The following FRMPD4 variants were observed in gnomAD, a reference collection of about 807,000 sequenced individuals.
FRMPD4 encodes the protein FERM and PDZ domain containing 4, also known as FERM and PDZ domain-containing protein 4.
In FRMPD4, 22 loss-of-function variants were observed where a neutral mutation model predicts 94.1. That is an observed-to-expected ratio of 0.23 (90% CI 0.17 to 0.33). The LOEUF (loss-of-function observed/expected upper bound fraction) is 0.33. FRMPD4 is among the 10% of genes least tolerant of loss of function. FRMPD4 has a pLI of 1.00. For missense variants in FRMPD4, 1,111 were observed against 1,339.9 expected, an observed-to-expected ratio of 0.83 and a Z score of 2.67; for synonymous variants, 631 against 548.6, an observed-to-expected ratio of 1.15 and a Z score of -2.10.
At chrX:12,351,172 C>CA (rs764761807) in intron 1 of FRMPD4, among the ~76,000 whole-genome samples, 34,041 of 82,284 alleles carry the variant, frequency 0.41, 6,023 homozygotes, top group African/African-American at 0.62. Context: ...CTCCACCTCA[C>CA]AAAAAAAAAA....
intron 1 of FRMPD4, chrX:12,374,853 A>T (rs2056213467): frequency 9.0e-6 from 1 of 111,710 alleles, no homozygotes; most frequent in Non-Finnish European, 1.9e-5. Context: ...TCCCTAGCAT[A>T]TCACTTAGTT....
chrX:12,563,238 G>T (rs867599084), intron 2 of FRMPD4, among the ~76,000 whole-genome samples: 2 of 41,603 alleles, frequency 4.8e-5, no homozygotes, highest in African/African-American at 2.8e-4. Flanking sequence ...ATGTAAGTGT[G>T]TACACACACA....
chrX:11,985,134 G>A (rs941548862), intron 3 of FRMPD4, among the ~76,000 whole-genome samples: 24 of 111,599 alleles, frequency 2.2e-4, no homozygotes, highest in Admixed American at 1.5e-3. Context: ...AAAAAGCACC[G>A]TCATTAGAAC....
intron 9 of FRMPD4, among the ~76,000 whole-genome samples, chrX:12,698,824 A>G (rs1007966372): frequency 1.9e-4 from 21 of 111,228 alleles, no homozygotes; most frequent in African/African-American, 6.9e-4. Context: ...AGTATCTTCC[A>G]TTTCATGAAA....
chrX:12,214,909 TATATAA>T (rs747173741), intron 1 of FRMPD4, among the ~76,000 whole-genome samples: 60 of 112,257 alleles, frequency 5.3e-4, no homozygotes, highest in African/African-American at 1.8e-3. Context: ...ACATAGCAAT[TATATAA>T]ATATAAAATA....
At chrX:11,949,306 A>T (rs1358075695) in intron 3 of FRMPD4, among the ~76,000 whole-genome samples, 1 of 112,166 alleles carries the variant, frequency 8.9e-6, no homozygotes, top group Non-Finnish European at 1.9e-5. Context: ...ATGTAGTCTC[A>T]CACAAGAAGG....
chrX:11,944,940 T>C (rs765223235), intron 3 of FRMPD4, among the ~76,000 whole-genome samples: 2 of 112,344 alleles, frequency 1.8e-5, no homozygotes, highest in African/African-American at 6.5e-5. Flanking sequence ...AAAATACTGT[T>C]CAATGTTTAA....
intron 1 of FRMPD4, among the ~76,000 whole-genome samples, chrX:12,476,925 G>C (rs1288696422): frequency 1.3e-4 from 14 of 111,753 alleles, no homozygotes; most frequent in Non-Finnish European, 2.6e-4. Context: ...CAGGGATCTA[G>C]AACTAGAAAT....
chrX:11,864,125 G>C (rs945527903), intron 1 of FRMPD4, among the ~76,000 whole-genome samples: 8 of 110,982 alleles, frequency 7.2e-5, no homozygotes, highest in Non-Finnish European at 1.5e-4. Flanking sequence ...TAGGCTGCCA[G>C]GCAGAGGAGG....
intron 2 of FRMPD4, 131 bp from the exon 3 acceptor site, chrX:12,609,590 A>G: frequency 1.9e-6 from 1 of 538,774 alleles, no homozygotes; most frequent in Non-Finnish European, 3.0e-6. Context: ...AAGCATGACT[A>G]TGGGTCTCCC....
intron 1 of FRMPD4, among the ~76,000 whole-genome samples, chrX:11,849,683 T>G (rs1179547364): frequency 2.7e-5 from 3 of 110,001 alleles, no homozygotes; most frequent in Non-Finnish European, 3.8e-5. Flanking sequence ...GACAGGTTTT[T>G]TTTTTTTTTT....
chrX:12,168,040 G>A (rs2056151976), intron 1 of FRMPD4, among the ~76,000 whole-genome samples: 1 of 101,343 alleles, frequency 9.9e-6, no homozygotes, highest in Non-Finnish European at 1.9e-5. Context: ...GTATCTAGTG[G>A]CTAGAGGTTA....
chrX:12,176,519 A>G (rs1251295809), intron 1 of FRMPD4, among the ~76,000 whole-genome samples: 3 of 112,298 alleles, frequency 2.7e-5, no homozygotes, highest in Non-Finnish European at 5.6e-5. Flanking sequence ...TAAAATCTGT[A>G]TAATTAAAAT....
At chrX:11,998,717 G>T (rs1291317389) in intron 3 of FRMPD4, among the ~76,000 whole-genome samples, 1 of 111,844 alleles carries the variant, frequency 8.9e-6, no homozygotes, top group African/African-American at 3.2e-5. Flanking sequence ...CAAACCATAG[G>T]TAATGTGTGA....
intron 1 of FRMPD4, among the ~76,000 whole-genome samples, chrX:12,447,878 A>G (rs1046057369): frequency 4.5e-5 from 5 of 112,077 alleles, no homozygotes; most frequent in African/African-American, 1.6e-4. Context: ...CATCACATCA[A>G]ACTAAATGCA....
At chrX:12,212,761 G>A (rs2056768036) in intron 1 of FRMPD4, among the ~76,000 whole-genome samples, 1 of 111,310 alleles carries the variant, frequency 9.0e-6, no homozygotes, top group Non-Finnish European at 1.9e-5. Context: ...CTTTATTTTT[G>A]TGATGAAATC....
In FRMPD4 at chrX:12,223,261, C is replaced by T. The variant is rs776682613; in HGVS notation, c.41+84249C>T. ...ATGGTACAGATGAACCATGGAATAC[C>T]ATGCAGCCATACAAATGAATGAAAT... On this transcript the variant is annotated intron_variant, in intron 1 of 16. Transcript: ENST00000675598. 3.1e-3 allele frequency among the ~76,000 whole-genome samples: 344 copies of T among 111,826 alleles called. 1 individual carries two copies. Among genetic ancestry groups the T allele is most frequent in the Non-Finnish European group, 4.7e-3 (250 of 53,118 alleles).
intron 1 of FRMPD4, among the ~76,000 whole-genome samples, chrX:11,825,053 CT>C (rs1336188873): frequency 9.0e-6 from 1 of 110,514 alleles, no homozygotes; most frequent in Non-Finnish European, 1.9e-5. Context: ...AGAAATAACT[CT>C]CAAAGGATAA....
chrX:12,106,609 C>T lies in FRMPD4; in HGVS notation c.95+228591C>T, dbSNP rs749597057. On this transcript the variant is annotated intron_variant, in intron 3 of 18. Coordinates refer to the FRMPD4 transcript ENST00000640291. ...TGAGCTTAAGCAGGATGAGGCATCG[C>T]CTCACCCGGGAAGCACAAGGGGTCA... Among the ~76,000 whole-genome samples, 15 of 111,618 alleles carry T rather than the reference C, an allele frequency of 1.3e-4. No homozygotes were observed. The East Asian group carries it at 4.3e-3, about 32-fold the overall frequency.
Sources: allele counts gnomAD v4.1 joint callset (sites outside exome capture counted in the v4.1 genomes callset), GRCh38; gene constraint gnomAD v4.1.1; transcripts MANE v1.5; gene names NCBI Gene and HGNC (gene_info 2026-07-23, HGNC 2026-07-21).